The following ULK4 variants were observed in gnomAD, a reference collection of about 807,000 sequenced individuals.
The protein encoded by ULK4 is inactive serine/threonine-protein kinase ULK4.
In ULK4, 133 loss-of-function variants were observed where a neutral mutation model predicts 160.6. That is an observed-to-expected ratio of 0.83 (90% CI 0.72 to 0.96). ULK4 has a LOEUF of 0.96. ULK4 is among the 40% of genes least tolerant of loss of function. The pLI is 0.00. For missense variants in ULK4, 1,580 were observed against 1,499.5 expected (o/e 1.05, Z -0.89); for synonymous variants, 534 against 539.8 (o/e 0.99, Z 0.15).
intron 20 of ULK4, among the ~76,000 whole-genome samples, chr3:41,792,788 C>A (rs1450777474): frequency 6.6e-6 from 1 of 152,226 alleles, no homozygotes; most frequent in Non-Finnish European, 1.5e-5. Context: ...AGAGCCTTAA[C>A]AGCACACTAG....
At chr3:41,671,390 GAC>G (rs2035532297) in intron 29 of ULK4, among the ~76,000 whole-genome samples, 1 of 152,046 alleles carries the variant, frequency 6.6e-6, no homozygotes, top group Non-Finnish European at 1.5e-5. Flanking sequence ...TATAAAAACA[GAC>G]ACACAGATCA....
chr3:41,698,190 T>G (rs1384899302), intron 27 of ULK4, among the ~76,000 whole-genome samples: 1 of 152,350 alleles, frequency 6.6e-6, no homozygotes, highest in South Asian at 2.1e-4. Context: ...CAAGGCATTT[T>G]TCAGAATGTA....
chr3:41,300,089 C>T (rs548423360), intron 35 of ULK4, among the ~76,000 whole-genome samples: 15 of 152,230 alleles, frequency 9.9e-5, no homozygotes, highest in African/African-American at 1.9e-4. Context: ...TTTCATCACA[C>T]GCTTGCCAGC....
At chr3:41,574,484 G>A (rs149497201) in intron 31 of ULK4, among the ~76,000 whole-genome samples, 2 of 148,676 alleles carry the variant, frequency 1.3e-5, no homozygotes, top group Admixed American at 6.8e-5. Flanking sequence ...TCTCCTAATG[G>A]GTGTCTCTAC....
chr3:41,886,862 C>T (rs144138393), intron 16 of ULK4, among the ~76,000 whole-genome samples: 4 of 152,220 alleles, frequency 2.6e-5, no homozygotes, highest in Admixed American at 6.5e-5. Flanking sequence ...TGTGAGCCAC[C>T]GCGCCCAGCC....
intron 11 of ULK4, among the ~76,000 whole-genome samples, chr3:41,909,803 A>T (rs1266057062): frequency 2.0e-5 from 3 of 152,228 alleles, no homozygotes. Flanking sequence ...GGTAAAACAT[A>T]TCAGGAATTT....
intron 3 of ULK4, chr3:41,937,184 A>C: frequency 2.2e-6 from 1 of 454,150 alleles, no homozygotes; most frequent in Non-Finnish European, 3.9e-6. Context: ...TTGGTGGGTG[A>C]CGTGCAGTTA....
At chr3:41,859,625 C>A (rs2042449929) in intron 17 of ULK4, 1 of 481,838 alleles carries the variant, frequency 2.1e-6, no homozygotes, top group African/African-American at 2.0e-5. Context: ...GCCTCTGCCC[C>A]ACCGCTTCAT....
chr3:41,293,616 C>A (rs2079614793), intron 35 of ULK4, among the ~76,000 whole-genome samples: 1 of 152,182 alleles, frequency 6.6e-6, no homozygotes, highest in Non-Finnish European at 1.5e-5. Flanking sequence ...AATCCTATCT[C>A]CACTGTTTCC....
intron 17 of ULK4, among the ~76,000 whole-genome samples, chr3:41,880,495 A>G (rs891052027): frequency 2.6e-5 from 4 of 152,186 alleles, no homozygotes; most frequent in African/African-American, 9.7e-5. Flanking sequence ...AAATTATACC[A>G]TCATATTCTT....
intron 32 of ULK4, among the ~76,000 whole-genome samples, chr3:41,536,268 A>G (rs1164358820): frequency 1.3e-5 from 2 of 152,184 alleles, no homozygotes; most frequent in African/African-American, 2.4e-5. Context: ...GTATTTCTCA[A>G]TGAGATATGA....
intron 35 of ULK4, among the ~76,000 whole-genome samples, chr3:41,312,979 T>C (rs903066794): frequency 1.3e-5 from 2 of 151,658 alleles, no homozygotes; most frequent in African/African-American, 4.9e-5. Context: ...AAAAGCAGAA[T>C]AAATTCAAGG....
intron 21 of ULK4, among the ~76,000 whole-genome samples, chr3:41,761,696 C>G (rs559485890): frequency 1.3e-5 from 2 of 152,016 alleles, no homozygotes; most frequent in South Asian, 4.2e-4. Flanking sequence ...ATAGAATGTT[C>G]CTTTAAGTTG....
intron 35 of ULK4, among the ~76,000 whole-genome samples, chr3:41,333,433 T>G (rs943242666): frequency 1.4e-5 from 2 of 146,294 alleles, no homozygotes; most frequent in South Asian, 4.2e-4. Context: ...ACAAATCAGA[T>G]TTGGGGGATC....
chr3:41,416,840 A>G (rs1411452657), intron 34 of ULK4, among the ~76,000 whole-genome samples: 1 of 152,154 alleles, frequency 6.6e-6, no homozygotes, highest in African/African-American at 2.4e-5. Flanking sequence ...ATTTGTCCAA[A>G]TGAGACAGCA....
intron 35 of ULK4, among the ~76,000 whole-genome samples, chr3:41,340,286 G>A (rs754334482): frequency 3.3e-5 from 5 of 152,186 alleles, no homozygotes; most frequent in African/African-American, 4.8e-5. Context: ...GATATTGTTA[G>A]AAGGTAACAA....
chr3:41,601,465 C>T (rs191975125), intron 31 of ULK4, among the ~76,000 whole-genome samples: 21 of 152,162 alleles, frequency 1.4e-4, no homozygotes, highest in Admixed American at 1.2e-3. Context: ...GTCAGAAGTA[C>T]TTAGAAACTT....
intron 27 of ULK4, among the ~76,000 whole-genome samples, chr3:41,683,083 T>A (rs554450795): frequency 1.3e-5 from 2 of 152,176 alleles, no homozygotes; most frequent in Non-Finnish European, 2.9e-5. Context: ...CATTCTTTCA[T>A]ACATTCCCAG....
rs1161981679 is a variant in ULK4 at position 41,865,347 on chromosome 3, T to TTTCTATACAATCACCCCAATCTGGC, written c.1656+18502_1656+18526dup. 4.5e-4 allele frequency among the ~76,000 whole-genome samples: 67 copies of TTTCTATACAATCACCCCAATCTGGC among 150,058 alleles called. 1 individual carries two copies. Among genetic ancestry groups the TTTCTATACAATCACCCCAATCTGGC allele is most frequent in the Non-Finnish European group, 4.4e-5 (3 of 67,724 alleles). ...GATTCACCACTTGTTCACTTCTAGT[T>TTTCTATACAATCACCCCAATCTGGC]TTCTATACAATCACCCCAATCTGGC... On this transcript the variant is annotated intron_variant, in intron 17 of 36. Transcript: ENST00000301831.
Sources: gnomAD v4.1 joint callset for allele counts (sites outside exome capture counted in the v4.1 genomes callset) on GRCh38, gnomAD v4.1.1 for gene constraint, MANE v1.5 for transcripts, NCBI Gene and HGNC (gene_info 2026-07-23, HGNC 2026-07-21) for gene names.